CR1: variants seen among roughly 807,000 people sequenced by gnomAD.
CR1 encodes complement C3b/C4b receptor 1 (Knops blood group).
A neutral mutation model predicts 187.3 loss-of-function variants in CR1; 116 were observed. The ratio of observed to expected loss-of-function variants is 0.62; its 90% CI spans 0.53 to 0.72. The LOEUF (loss-of-function observed/expected upper bound fraction) is 0.72, where lower values mean the gene tolerates loss of function less well. Ranked by LOEUF, CR1 falls within the 30% of genes least tolerant of loss-of-function variation. CR1 has a pLI of 0.00. For missense variants in CR1, 1,731 were observed against 2,110.7 expected (o/e 0.82, Z 3.52); for synonymous variants, 576 against 747.1 (o/e 0.77, Z 3.73).
chr1:207,592,405 TA>T (rs1661297530), intron 35 of CR1, among the ~76,000 whole-genome samples: 1 of 152,186 alleles, frequency 6.6e-6, no homozygotes, highest in Non-Finnish European at 1.5e-5. Flanking sequence ...CCCTTCATGC[TA>T]AAAACTCTCA....
At chr1:207,592,584 G>A (rs1013969148) in intron 35 of CR1, among the ~76,000 whole-genome samples, 1 of 152,214 alleles carries the variant, frequency 6.6e-6, no homozygotes, top group Non-Finnish European at 1.5e-5. Context: ...AGTATTGGAA[G>A]CTCTGGCCAG....
intron 35 of CR1, among the ~76,000 whole-genome samples, chr1:207,606,220 C>T (rs1661746089): frequency 6.6e-6 from 1 of 152,168 alleles, no homozygotes; most frequent in African/African-American, 2.4e-5. Flanking sequence ...AAGGGAAGGC[C>T]AATTCCTTTA....
At chr1:207,510,467 T>A (rs1191574740) in intron 3 of CR1, among the ~76,000 whole-genome samples, 1 of 152,206 alleles carries the variant, frequency 6.6e-6, no homozygotes, top group South Asian at 2.1e-4. Flanking sequence ...TTATTTGACA[T>A]TGCTTCATTC....
intron 35 of CR1, among the ~76,000 whole-genome samples, chr1:207,600,318 A>C (rs546619995): frequency 1.3e-5 from 2 of 152,328 alleles, no homozygotes; most frequent in Admixed American, 1.3e-4. Context: ...TGAAAACTTC[A>C]GATTGGGCAA....
At chr1:207,586,146 GC>G (rs1558249271) in intron 33 of CR1, among the ~76,000 whole-genome samples, 2 of 151,260 alleles carry the variant, frequency 1.3e-5, no homozygotes, top group African/African-American at 4.9e-5. Flanking sequence ...GTGTGTGTGT[GC>G]TTTTTTTGAG....
chr1:207,600,020 T>C (rs923337700), intron 35 of CR1, among the ~76,000 whole-genome samples: 1 of 152,224 alleles, frequency 6.6e-6, no homozygotes, highest in Non-Finnish European at 1.5e-5. Flanking sequence ...AAGAGCCAGA[T>C]AGCAAAATTT....
At chr1:207,607,702 T>C (rs1229017055) in intron 36 of CR1, among the ~76,000 whole-genome samples, 1 of 152,218 alleles carries the variant, frequency 6.6e-6, no homozygotes, top group Non-Finnish European at 1.5e-5. Flanking sequence ...TTTCTTGTTA[T>C]TCTAATCCAA....
chr1:207,501,908 T>C (rs190474018), intron 1 of CR1, among the ~76,000 whole-genome samples: 3 of 145,070 alleles, frequency 2.1e-5, no homozygotes, highest in Admixed American at 6.6e-5. Flanking sequence ...CAGCAACTGT[T>C]TTACTCAGTG....
At position 207,580,334 on chromosome 1, in the gene CR1, G is replaced by T. The variant is rs764234206; in HGVS notation, c.5031G>T (p.Glu1677Asp). ...SPGQEVFYSC[E>D]PGYDLRGAAS... ...GGCAGGAAGTGTTCTACAGCTGTGA[G>T]CCTGGCTATGACCTCAGAGGGGCTG... Residue 1677 changes from glutamate to aspartate, a missense_variant, in exon 30 of 47, where the codon GAG (glutamate) becomes GAT (aspartate). Physicochemically the swap from Glu to Asp is conservative, Grantham distance 45 (BLOSUM62 2). Transcript: ENST00000367049. 1.2e-6 allele frequency: 2 copies of T among 1,613,906 alleles called. No individual in the cohort carries two copies. The highest frequency in any genetic ancestry group is 1.3e-5 in the African/African-American group (1 of 75,032).
chr1:207,496,666 G>T lies in CR1; in HGVS notation c.121+278G>T, dbSNP rs551122515. On this transcript the variant is annotated intron_variant, in intron 1 of 46. Transcript: ENST00000367049. ...AAGGCGCAGATGCTGAGCGGGTGCC[G>T]CACGAAATTCCTTGCCTTTGTGTAT... Among the ~76,000 whole-genome samples the T allele has an allele frequency of 3.3e-5, 5 of 152,322 alleles. No homozygotes were observed. In the South Asian group the frequency reaches 6.2e-4, roughly 19 times the overall value.
chr1:207,581,499 A>G (rs1024574610), intron 31 of CR1, among the ~76,000 whole-genome samples: 3 of 112,912 alleles, frequency 2.7e-5, no homozygotes, highest in East Asian at 4.6e-4. Context: ...GCAGACATGA[A>G]GAGATAAATA....
At chr1:207,521,117 C>T (rs1337552077) in intron 4 of CR1, among the ~76,000 whole-genome samples, 1 of 151,946 alleles carries the variant, frequency 6.6e-6, no homozygotes, top group African/African-American at 2.4e-5. Flanking sequence ...GCTGCAATTA[C>T]AGGCCTGTGC....
At chr1:207,590,624 T>C (rs1661242014) in intron 35 of CR1, among the ~76,000 whole-genome samples, 1 of 152,160 alleles carries the variant, frequency 6.6e-6, no homozygotes, top group Non-Finnish European at 1.5e-5. Flanking sequence ...TAACATTAAA[T>C]GTAAATTGGC....
chr1:207,614,806 T>G (rs1241871267), intron 40 of CR1, among the ~76,000 whole-genome samples: 1 of 152,096 alleles, frequency 6.6e-6, no homozygotes, highest in African/African-American at 2.4e-5. Context: ...GGAGGAATCT[T>G]TCTTAAATTT....
Position 207,623,113 on chromosome 1 carries a change from C to T in CR1, c.7352+45C>T, listed in dbSNP as rs575581998. The T allele has an allele frequency of 1.9e-4, 257 of 1,346,508 alleles. 3 individuals carry two copies. In the South Asian group the frequency reaches 3.1e-3, roughly 16 times the overall value. 83.4% of individuals were successfully genotyped at this position (1,346,508 alleles called of 1,614,324 possible). On this transcript the variant is annotated intron_variant, in intron 45 of 46. Coordinates refer to ENST00000367049, the MANE Select transcript of CR1 (RefSeq NM_000651.6). ...CCCAAGAAATGTAAACTGTACTTAC[C>T]CCCTCTTGGAAGTCAAAAGAAAGTA...
intron 32 of CR1, among the ~76,000 whole-genome samples, 165 bp downstream of exon 32, chr1:207,582,168 A>G (rs946164744): frequency 6.6e-6 from 1 of 152,232 alleles, no homozygotes. Context: ...AAAAATAAAC[A>G]TGAGAATCAT....
intron 46 of CR1, among the ~76,000 whole-genome samples, chr1:207,636,575 C>A (rs1662820419): frequency 6.6e-6 from 1 of 152,114 alleles, no homozygotes; most frequent in African/African-American, 2.4e-5. Context: ...TGATCAATAC[C>A]AGATTGTGAA....
intron 45 of CR1, among the ~76,000 whole-genome samples, chr1:207,626,903 T>C (rs1373464975): frequency 6.6e-6 from 1 of 152,180 alleles, no homozygotes; most frequent in Non-Finnish European, 1.5e-5. Flanking sequence ...CCTGGTGTAG[T>C]GGCACATGCC....
At chr1:207,598,469 G>T (rs1481114932) in intron 35 of CR1, among the ~76,000 whole-genome samples, 1 of 151,730 alleles carries the variant, frequency 6.6e-6, no homozygotes, top group Non-Finnish European at 1.5e-5. Flanking sequence ...CACCAGGCTG[G>T]AGTGCAGTGG....
Sources: allele counts gnomAD v4.1 joint callset (sites outside exome capture counted in the v4.1 genomes callset), GRCh38; gene constraint gnomAD v4.1.1; transcripts MANE v1.5; gene names NCBI Gene and HGNC (gene_info 2026-07-23, HGNC 2026-07-21).